Variants in ZNF184 observed in about 807,000 individuals in gnomAD.
ZNF184 encodes zinc finger protein 184 (Kruppel-like).
ZNF184 carries 16 observed loss-of-function variants against 54.4 expected under a neutral mutation model. That is an observed-to-expected ratio of 0.29 (90% CI 0.20 to 0.45). The LOEUF (loss-of-function observed/expected upper bound fraction) is 0.45. Among genes scored for constraint, ZNF184 ranks in the 20% least tolerant of loss-of-function variants. The pLI is 1.00. For missense variants in ZNF184, 681 were observed against 888.2 expected, an observed-to-expected ratio of 0.77 and a Z score of 2.97; for synonymous variants, 254 against 295.3, an observed-to-expected ratio of 0.86 and a Z score of 1.43.
the ZNF184 span, among the ~76,000 whole-genome samples, chr6:27,424,822 G>A: frequency 1.8e-4 from 28 of 152,046 alleles, no homozygotes; most frequent in East Asian, 4.4e-3. Flanking sequence ...CGCGCAGTGC[G>A]CCCACACTCC....
chr6:27,414,432 G>A, the ZNF184 span, among the ~76,000 whole-genome samples: 1 of 152,110 alleles, frequency 6.6e-6, no homozygotes, highest in African/African-American at 2.4e-5. Flanking sequence ...GCCCCACATA[G>A]TGTGGTCCTT....
intron 2 of ZNF184, among the ~76,000 whole-genome samples, chr6:27,470,515 T>C (rs1763248803): frequency 6.6e-6 from 1 of 152,110 alleles, no homozygotes. Context: ...TCTTGACCAG[T>C]AAAGAAAAAC....
At chr6:27,431,164 C>T in the ZNF184 span, among the ~76,000 whole-genome samples, 115 of 152,310 alleles carry the variant, frequency 7.6e-4, 3 homozygotes, top group Admixed American at 7.5e-3. Flanking sequence ...ACTGTTGTTC[C>T]AGATTTCCCT....
rs150445280 is a variant in ZNF184 at position 27,470,098 on chromosome 6, C to G, written c.8-2178G>C. ...AGTTCCAAGATTCAAATTCCAGAGACAGCTAACTGGCCTAGTGTGGGTTTT... is the reference window on the plus strand; with the variant it reads ...AGTTCCAAGATTCAAATTCCAGAGAGAGCTAACTGGCCTAGTGTGGGTTTT... On this transcript the variant is annotated intron_variant, in intron 2 of 5. Coordinates refer to ENST00000683788, the MANE Select transcript of ZNF184 (RefSeq NM_001318891.2). Among the ~76,000 whole-genome samples, 516 of 152,298 alleles carry G rather than the reference C, an allele frequency of 3.4e-3. 2 individuals carry two copies. Among genetic ancestry groups the G allele is most frequent in the African/African-American group, 0.012 (501 of 41,552 alleles).
intron 3 of ZNF184, among the ~76,000 whole-genome samples, chr6:27,460,817 C>A (rs1272737110): frequency 6.6e-6 from 1 of 152,174 alleles, no homozygotes; most frequent in Non-Finnish European, 1.5e-5. Flanking sequence ...ACTTTAGGAG[C>A]AGGGCAAGTC....
the ZNF184 span, among the ~76,000 whole-genome samples, chr6:27,410,188 T>C: frequency 6.6e-6 from 1 of 152,204 alleles, no homozygotes; most frequent in African/African-American, 2.4e-5. Context: ...ACTGCTTTCA[T>C]TAAGTGACAT....
At chr6:27,459,602 A>T (rs1581581227) in intron 3 of ZNF184, among the ~76,000 whole-genome samples, 1 of 152,318 alleles carries the variant, frequency 6.6e-6, no homozygotes, top group Non-Finnish European at 1.5e-5. Flanking sequence ...CTGGGGGGCA[A>T]TCTGACAAGA....
the ZNF184 span, among the ~76,000 whole-genome samples, chr6:27,444,894 T>A: frequency 7.9e-5 from 12 of 152,312 alleles, no homozygotes; most frequent in South Asian, 4.1e-4. Context: ...TCTTGATATC[T>A]CAGCTTGAAG....
In ZNF184 at chr6:27,457,229, G is replaced by C. The variant is rs199906744; in HGVS notation, c.202+54C>G. ...AAGGCAAACTCCCCTGAGCACAAGA[G>C]AGAACCCTCCTCCTGCACACCCCTT... On this transcript the variant is annotated intron_variant, in intron 4 of 5. Transcript: ENST00000683788. 168 of 1,589,860 alleles carry C rather than the reference G, an allele frequency of 1.1e-4. 1 individual carries two copies. The highest frequency in any genetic ancestry group is 1.2e-4 in the Non-Finnish European group (138 of 1,168,260).
chr6:27,423,175 G>C, the ZNF184 span, among the ~76,000 whole-genome samples: 165 of 152,298 alleles, frequency 1.1e-3, no homozygotes, highest in Non-Finnish European at 1.9e-3. Context: ...CAGTACCTTA[G>C]ACTCAATTCC....
intron 5 of ZNF184, among the ~76,000 whole-genome samples, chr6:27,456,010 C>T (rs1762843965): frequency 1.3e-5 from 2 of 152,146 alleles, no homozygotes; most frequent in Non-Finnish European, 2.9e-5. Context: ...GTAATTGCAG[C>T]ACTTTGAGAC....
chr6:27,467,727 G>A, intron 3 of ZNF184, 126 bp downstream of exon 3: 1 of 822,308 alleles, frequency 1.2e-6, no homozygotes. Context: ...GCGGTTACTA[G>A]ACAGATGAGA....
chr6:27,427,116 T>TAAAAAAAAAAAAAAAAAAA, the ZNF184 span, among the ~76,000 whole-genome samples: 1 of 106,906 alleles, frequency 9.4e-6, no homozygotes, highest in Non-Finnish European at 1.8e-5. Flanking sequence ...ACACTCTATG[T>TAAAAAAAAAAAAAAAAAAA]AAAAAAAAAA....
chr6:27,418,816 C>A, the ZNF184 span, among the ~76,000 whole-genome samples: 1 of 152,034 alleles, frequency 6.6e-6, no homozygotes, highest in Non-Finnish European at 1.5e-5. Context: ...TTTAATTTGG[C>A]TTCTGTCATT....
the ZNF184 span, among the ~76,000 whole-genome samples, chr6:27,442,170 A>G: frequency 9.2e-5 from 14 of 152,140 alleles, no homozygotes; most frequent in Non-Finnish European, 1.8e-4. Flanking sequence ...TTCATTTCCT[A>G]TTCTCTACAG....
At chr6:27,433,851 C>A in the ZNF184 span, among the ~76,000 whole-genome samples, 1 of 151,282 alleles carries the variant, frequency 6.6e-6, no homozygotes, top group Non-Finnish European at 1.5e-5. Flanking sequence ...TTCCTTCCTT[C>A]CTTCCTTCTT....
In ZNF184 at chr6:27,471,826, A is replaced by G. The variant is rs149342827; in HGVS notation, c.7+462T>C. Among the ~76,000 whole-genome samples the G allele has an allele frequency of 5.6e-3, 859 of 152,338 alleles. 9 individuals carry two copies. Among genetic ancestry groups the G allele is most frequent in the African/African-American group, 0.016 (671 of 41,562 alleles). On this transcript the variant is annotated intron_variant, in intron 2 of 5. Transcript: ENST00000683788. ...ACAGGGACAAGTACATCTGTTTAAT[A>G]TAAGAAACTAAAAAAGAAAGCCAAC... is the stretch of plus-strand genomic sequence containing the variant.
chr6:27,438,279 G>A, the ZNF184 span, among the ~76,000 whole-genome samples: 1 of 152,058 alleles, frequency 6.6e-6, no homozygotes, highest in Non-Finnish European at 1.5e-5. Context: ...GTGAAGTCTT[G>A]AGAACTAATT....
In ZNF184 at chr6:27,467,905, T is replaced by C. The variant is rs1194045461; in HGVS notation, c.23A>G (p.Asp8Gly). Residue 8 changes from aspartate (D) to glycine (G), a missense_variant, in exon 3 of 6, where the codon GAC becomes GGC. Coordinates refer to ENST00000683788, the MANE Select transcript of ZNF184 (RefSeq NM_001318891.2). MEDLSSP[D>G]STLLQGGHNL... Reference sequence around the variant, plus strand: ...ATGTCCCCCTTGGAGAAGGGTGGAGTCTGGAGAGGACAGATCTAGGGGGAG... The same window carrying C: ...ATGTCCCCCTTGGAGAAGGGTGGAGCCTGGAGAGGACAGATCTAGGGGGAG... 6.2e-7 allele frequency: 1 copy of C among 1,610,566 alleles called. No individual in the cohort carries two copies. The highest frequency in any genetic ancestry group is 1.7e-5 in the Admixed American group (1 of 59,540).
Sources: gnomAD v4.1 joint callset for allele counts (sites outside exome capture counted in the v4.1 genomes callset) on GRCh38, gnomAD v4.1.1 for gene constraint, MANE v1.5 for transcripts, NCBI Gene and HGNC (gene_info 2026-07-23, HGNC 2026-07-21) for gene names.